Variants in LRMDA observed in about 807,000 individuals in gnomAD.
LRMDA encodes leucine-rich melanocyte differentiation-associated protein.
In LRMDA, 18 loss-of-function variants were observed where a neutral mutation model predicts 29.8. That is an observed-to-expected ratio of 0.60 (90% confidence interval 0.42 to 0.90). The LOEUF (loss-of-function observed/expected upper bound fraction) is 0.90. LRMDA is among the 40% of genes least tolerant of loss of function. The pLI is 0.00. For missense variants in LRMDA, 273 were observed against 273.9 expected (o/e 1.00, Z 0.02); for synonymous variants, 125 against 109.4 (o/e 1.14, Z -0.89).
At chr10:75,641,356 T>A (rs1316219237) in intron 2 of LRMDA, among the ~76,000 whole-genome samples, 2 of 151,816 alleles carry the variant, frequency 1.3e-5, no homozygotes, top group Admixed American at 6.6e-5. Flanking sequence ...TCCAGGATGG[T>A]CTTGATTTAG....
chr10:76,033,956 A>G (rs967511794), intron 2 of LRMDA, among the ~76,000 whole-genome samples: 8 of 152,060 alleles, frequency 5.3e-5, no homozygotes, highest in Non-Finnish European at 8.8e-5. Context: ...CTGGAAACAA[A>G]ACAGTGAATA....
chr10:75,932,107 T>G (rs1846214808), intron 2 of LRMDA, among the ~76,000 whole-genome samples: 1 of 152,240 alleles, frequency 6.6e-6, no homozygotes, highest in Middle Eastern at 3.2e-3. Context: ...TGGGTTCTCA[T>G]TTCAAGCTTG....
chr10:75,476,882 C>A (rs1173442886), intron 2 of LRMDA, among the ~76,000 whole-genome samples: 2 of 152,124 alleles, frequency 1.3e-5, no homozygotes, highest in Non-Finnish European at 2.9e-5. Context: ...TCTTCTGAGG[C>A]CTCTCTCCTT....
chr10:76,132,455 T>C (rs1850009966), intron 5 of LRMDA, among the ~76,000 whole-genome samples: 1 of 152,156 alleles, frequency 6.6e-6, no homozygotes, highest in Non-Finnish European at 1.5e-5. Context: ...TTTTATTACA[T>C]CATATTCATA....
intron 2 of LRMDA, among the ~76,000 whole-genome samples, chr10:75,470,210 G>A (rs780095419): frequency 1.1e-4 from 17 of 152,068 alleles, no homozygotes; most frequent in Non-Finnish European, 1.9e-4. Flanking sequence ...AAAACATAAA[G>A]GTGAGGCTGA....
chr10:76,451,884 C>T (rs368820366), intron 6 of LRMDA, among the ~76,000 whole-genome samples: 2 of 151,454 alleles, frequency 1.3e-5, no homozygotes, highest in Non-Finnish European at 3.0e-5. Context: ...CTCGATCTCC[C>T]GACCTCAGGT....
At chr10:75,463,214 G>A (rs1337539897) in intron 2 of LRMDA, among the ~76,000 whole-genome samples, 2 of 152,192 alleles carry the variant, frequency 1.3e-5, no homozygotes, top group African/African-American at 4.8e-5. Flanking sequence ...GGATGGGTGG[G>A]CTCTAAGGGG....
At chr10:76,013,461 T>G (rs1847821152) in intron 2 of LRMDA, among the ~76,000 whole-genome samples, 1 of 152,032 alleles carries the variant, frequency 6.6e-6, no homozygotes, top group Non-Finnish European at 1.5e-5. Flanking sequence ...AATTTCAAAT[T>G]AAAACAACAA....
At chr10:76,264,534 G>A (rs552886304) in intron 5 of LRMDA, among the ~76,000 whole-genome samples, 3 of 150,298 alleles carry the variant, frequency 2.0e-5, no homozygotes, top group East Asian at 2.0e-4. Flanking sequence ...TGTCCACTGC[G>A]AGTATTTCGG....
chr10:75,851,338 C>T (rs554385695), intron 2 of LRMDA, among the ~76,000 whole-genome samples: 13 of 152,262 alleles, frequency 8.5e-5, no homozygotes, highest in Admixed American at 2.0e-4. Context: ...AAAGGTAACT[C>T]AGTGTTTACT....
In LRMDA at chr10:75,533,056, T is replaced by C. The variant is rs138922726; in HGVS notation, c.131+94562T>C. ...TATGCCTTATTACTCAAAGAATGCA[T>C]TTTATAGCAAGTTGAAAAGAAAGGT... On this transcript the variant is annotated intron_variant, in intron 2 of 6. Transcript: ENST00000611255. 2.0e-5 allele frequency among the ~76,000 whole-genome samples: 3 copies of C among 152,280 alleles called. No individual in the cohort carries two copies. The East Asian group carries it at 5.8e-4, about 29-fold the overall frequency.
chr10:76,473,997 TG>T (rs1842643245), intron 6 of LRMDA, among the ~76,000 whole-genome samples: 1 of 151,682 alleles, frequency 6.6e-6, no homozygotes, highest in Admixed American at 6.6e-5. Context: ...AGTGTGGTAC[TG>T]GCATTGGAAT....
chr10:75,696,870 A>G (rs1470571158), intron 2 of LRMDA, among the ~76,000 whole-genome samples: 2 of 152,168 alleles, frequency 1.3e-5, no homozygotes, highest in Non-Finnish European at 2.9e-5. Context: ...TGCAAGGCCT[A>G]ACTGCCCCTC....
In LRMDA at chr10:75,607,303, T is replaced by G. The variant is rs555709811; in HGVS notation, c.131+168809T>G. On this transcript the variant is annotated intron_variant, in intron 2 of 6. Transcript: ENST00000611255. The stretch of plus-strand genomic sequence containing the variant: ...GACATACGATAGGAAAGTAAATGCT[T>G]GTTAAAATTTCTTCAAATTTCTAGT... 2.0e-5 allele frequency among the ~76,000 whole-genome samples: 3 copies of G among 152,340 alleles called. No homozygotes were observed. The East Asian group carries it at 5.8e-4, about 29-fold the overall frequency.
intron 1 of LRMDA, among the ~76,000 whole-genome samples, chr10:75,431,991 C>T (rs368715796): frequency 1.3e-5 from 2 of 152,212 alleles, no homozygotes; most frequent in African/African-American, 2.4e-5. Context: ...TCCCGTTCTC[C>T]CCACTTCCTT....
At chr10:76,294,086 G>A (rs1397835484) in intron 5 of LRMDA, among the ~76,000 whole-genome samples, 1 of 152,154 alleles carries the variant, frequency 6.6e-6, no homozygotes, top group Non-Finnish European at 1.5e-5. Context: ...TCTGATATTG[G>A]CTGTGCTGAT....
intron 6 of LRMDA, among the ~76,000 whole-genome samples, chr10:76,552,071 G>C (rs946288077): frequency 2.1e-4 from 32 of 152,142 alleles, no homozygotes; most frequent in Non-Finnish European, 3.4e-4. Flanking sequence ...TTAAAATAAT[G>C]ATCCCTAAAG....
chr10:76,423,081 C>G (rs557312203), intron 6 of LRMDA, among the ~76,000 whole-genome samples: 5 of 152,122 alleles, frequency 3.3e-5, no homozygotes, highest in Admixed American at 6.5e-5. Flanking sequence ...AAAAACTCCA[C>G]GAAGATGAGT....
intron 5 of LRMDA, among the ~76,000 whole-genome samples, chr10:76,168,775 A>G (rs569599696): frequency 6.6e-6 from 1 of 152,320 alleles, no homozygotes; most frequent in African/African-American, 2.4e-5. Context: ...TGTCAGATCT[A>G]TTTCCATATA....
Sources: allele counts gnomAD v4.1 joint callset (sites outside exome capture counted in the v4.1 genomes callset), GRCh38; gene constraint gnomAD v4.1.1; transcripts MANE v1.5; gene names NCBI Gene and HGNC (gene_info 2026-07-23, HGNC 2026-07-21).